CASP4: variants seen among roughly 807,000 people sequenced by gnomAD.
CASP4 encodes the protein caspase-4.
Under a neutral mutation model 41.3 loss-of-function variants are expected in CASP4, and 29 were observed. The observed-to-expected ratio is 0.70, with a 90% confidence interval of 0.52 to 0.96. The LOEUF is 0.96. CASP4 is among the 40% of genes least tolerant of loss of function. CASP4 has a pLI of 0.00. For synonymous variants in CASP4, 185 were observed against 158.4 expected, an observed-to-expected ratio of 1.17 and a Z score of -1.26; for missense variants, 447 against 460.6, an observed-to-expected ratio of 0.97 and a Z score of 0.27.
chr11:104,944,883 C>T (rs368176976), intron 7 of CASP4, 32 bp from the exon 8 acceptor site: 24 of 1,364,098 alleles, frequency 1.8e-5, no homozygotes, highest in South Asian at 8.2e-5. Flanking sequence ...AGATGAGATA[C>T]GACTCTTTTC....
chr11:104,946,194 G>A (rs957971518), intron 7 of CASP4, among the ~76,000 whole-genome samples: 19 of 151,942 alleles, frequency 1.3e-4, no homozygotes, highest in South Asian at 4.2e-4. Flanking sequence ...TTCTTTTCCC[G>A]CAGGAGTTTT....
At chr11:104,963,099 T>C (rs1006517592) in intron 1 of CASP4, among the ~76,000 whole-genome samples, 1 of 152,198 alleles carries the variant, frequency 6.6e-6, no homozygotes, top group African/African-American at 2.4e-5. Flanking sequence ...TTTAAAAGGA[T>C]TTTGTTAAGA....
chr11:104,945,355 C>T (rs1473347726), intron 7 of CASP4, among the ~76,000 whole-genome samples: 1 of 151,342 alleles, frequency 6.6e-6, no homozygotes, highest in African/African-American at 2.4e-5. Flanking sequence ...AGAGTTCAAG[C>T]AATTCTCCTG....
chr11:104,966,832 C>A (rs552919185), intron 1 of CASP4, among the ~76,000 whole-genome samples: 2 of 152,178 alleles, frequency 1.3e-5, no homozygotes, highest in African/African-American at 4.8e-5. Flanking sequence ...AGACTTTTGA[C>A]CTAAAGCATA....
chr11:104,947,212 T>G lies in CASP4; in HGVS notation c.926-20A>C. The G allele has an allele frequency of 1.4e-6, 2 of 1,438,508 alleles. No homozygotes were observed. The highest frequency in any genetic ancestry group is 1.9e-6 in the Non-Finnish European group (2 of 1,027,950). The allele number at this position is 1,438,508 out of a possible 1,614,324, so 89.1% of individuals were successfully genotyped here. ...CGTTGTCTATAATGATACAGATGGG[T>G]ATGCCTTGGGCTATGACTTTCACTA... On this transcript the variant is annotated intron_variant, in intron 6 of 8. Coordinates refer to ENST00000444739, the MANE Select transcript of CASP4 (RefSeq NM_001225.4).
intron 1 of CASP4, 70 bp downstream of exon 1, chr11:104,968,449 T>C (rs1189693853): frequency 7.2e-7 from 1 of 1,391,756 alleles, no homozygotes; most frequent in Non-Finnish European, 1.0e-6. Flanking sequence ...TTCTTGTGTT[T>C]ATTTCAGAGC....
intron 7 of CASP4, among the ~76,000 whole-genome samples, chr11:104,946,399 G>A (rs1332803028): frequency 6.6e-6 from 1 of 152,098 alleles, no homozygotes; most frequent in Non-Finnish European, 1.5e-5. Context: ...CACGAAGTTT[G>A]CATGTTAGTG....
intron 1 of CASP4, among the ~76,000 whole-genome samples, chr11:104,967,690 G>C (rs904820085): frequency 3.3e-5 from 5 of 152,134 alleles, no homozygotes; most frequent in Non-Finnish European, 5.9e-5. Flanking sequence ...TGAGCTATTC[G>C]CGGTGAGGAA....
intron 6 of CASP4, chr11:104,948,309 A>T (rs1416504640): frequency 5.7e-6 from 2 of 350,254 alleles, no homozygotes; most frequent in East Asian, 8.8e-5. Context: ...TAATAAAAAA[A>T]ACAGAATTCA....
rs1860417514 is a variant in CASP4, at chr11:104,944,860, G to C, written c.1036-9C>G. 1 of 1,574,556 alleles carries C rather than the reference G, an allele frequency of 6.4e-7. No homozygotes were observed. The highest frequency in any genetic ancestry group is 8.7e-7 in the Non-Finnish European group (1 of 1,144,196). Reference sequence around the variant, plus strand: ...TCAAATGATTGCTGTACCTGAAAAAGAAAATAGGCTGTAGATGAGATACGA... The same window carrying C: ...TCAAATGATTGCTGTACCTGAAAAACAAAATAGGCTGTAGATGAGATACGA... On this transcript the variant is annotated splice_polypyrimidine_tract_variant and intron_variant, in intron 7 of 8. Transcript: ENST00000444739.
chr11:104,950,241 G>T (rs374452886), intron 4 of CASP4, among the ~76,000 whole-genome samples: 1 of 152,010 alleles, frequency 6.6e-6, no homozygotes, highest in Non-Finnish European at 1.5e-5. Flanking sequence ...CGTGTGCCAG[G>T]TTCATTTTCA....
intron 1 of CASP4, among the ~76,000 whole-genome samples, chr11:104,956,282 A>T (rs1860734825): frequency 6.6e-6 from 1 of 152,088 alleles, no homozygotes; most frequent in South Asian, 2.1e-4. Flanking sequence ...TTAAATAATA[A>T]CTTATGTCAC....
intron 6 of CASP4, chr11:104,948,032 C>G (rs1034476586): frequency 6.6e-6 from 1 of 151,910 alleles, no homozygotes; most frequent in Admixed American, 6.6e-5. Context: ...ATATACAAAT[C>G]AAAAACAGTT....
intron 7 of CASP4, among the ~76,000 whole-genome samples, chr11:104,945,942 G>A (rs1301667402): frequency 6.6e-6 from 1 of 151,962 alleles, no homozygotes; most frequent in Non-Finnish European, 1.5e-5. Context: ...CGCTTCCTGA[G>A]CTCAAGCGAT....
rs776457452 is a variant in CASP4, at chr11:104,944,825, C to T, written c.1062G>A (p.Arg354=). 6.2e-7 allele frequency: 1 copy of T among 1,613,120 alleles called. No homozygotes were observed. Among genetic ancestry groups the T allele is most frequent in the Non-Finnish European group, 8.5e-7 (1 of 1,179,274 alleles). The change falls in exon 8 of 9, where the codon AGG becomes AGA. Residue 354 remains arginine (R), a synonymous_variant. Transcript: ENST00000444739. ...CTATGGTGGGCATTTGAGCTTTGGC[C>T]CTTGGAGTTTCAAATGATTGCTGTA... is the stretch of plus-strand genomic sequence containing the variant. ...RKVQQSFETP[R]AKAQMPTIER...
At chr11:104,953,907 G>A (rs537575362) in intron 2 of CASP4, among the ~76,000 whole-genome samples, 6 of 152,124 alleles carry the variant, frequency 3.9e-5, no homozygotes, top group African/African-American at 9.6e-5. Context: ...TTTGTAATTC[G>A]CAGAAGTAAG....
intron 1 of CASP4, among the ~76,000 whole-genome samples, chr11:104,960,457 T>C (rs2134654451): frequency 6.6e-6 from 1 of 152,162 alleles, no homozygotes; most frequent in East Asian, 1.9e-4. Flanking sequence ...TTTTTTTCCA[T>C]TTATTTATTT....
intron 7 of CASP4, among the ~76,000 whole-genome samples, chr11:104,945,643 A>T (rs969260378): frequency 2.6e-5 from 4 of 152,142 alleles, no homozygotes; most frequent in Admixed American, 6.5e-5. Context: ...GCATCAACTA[A>T]TTGGTAAGTC....
chr11:104,955,219 T>C (rs1211136318), intron 1 of CASP4, among the ~76,000 whole-genome samples: 1 of 152,140 alleles, frequency 6.6e-6, no homozygotes, highest in Non-Finnish European at 1.5e-5. Flanking sequence ...TTTTTGTTCT[T>C]TTTTCTTTTC....
Sources: allele counts gnomAD v4.1 joint callset (sites outside exome capture counted in the v4.1 genomes callset), GRCh38; gene constraint gnomAD v4.1.1; transcripts MANE v1.5; gene names NCBI Gene and HGNC (gene_info 2026-07-23, HGNC 2026-07-21).